LDAH: variants seen among roughly 807,000 people sequenced by gnomAD.
LDAH encodes lipid droplet-associated hydrolase.
LDAH carries 26 observed loss-of-function variants against 29.6 expected under a neutral mutation model. The observed-to-expected ratio is 0.88, with a 90% CI of 0.64 to 1.22. The LOEUF is 1.22. Among genes scored for constraint, LDAH ranks in the 50% most tolerant of loss-of-function variants. The probability of loss-of-function intolerance (pLI) is 0.00; values close to 1 mark genes in which losing one functional copy is unlikely to be tolerated. For missense variants in LDAH, 344 were observed against 387.3 expected (o/e 0.89, Z 0.94); for synonymous variants, 117 against 133.0 (o/e 0.88, Z 0.83).
At chr2:20,780,339 C>T (rs538568344) in intron 3 of LDAH, among the ~76,000 whole-genome samples, 1 of 152,148 alleles carries the variant, frequency 6.6e-6, no homozygotes, top group African/African-American at 2.4e-5. Context: ...CTAAGGACTT[C>T]AACAGTCCTT....
rs192541922 is a variant in LDAH, at chr2:20,746,112, T to G, written c.469-5907A>C. Among the ~76,000 whole-genome samples, 510 of 152,344 alleles carry G rather than the reference T, an allele frequency of 3.3e-3. 5 individuals are homozygous for G. Among genetic ancestry groups the G allele is most frequent in the Non-Finnish European group, 4.1e-3 (276 of 68,026 alleles). On this transcript the variant is annotated intron_variant, in intron 4 of 6. Coordinates refer to ENST00000237822, the MANE Select transcript of LDAH (RefSeq NM_021925.4). ...AGAAGAGAGCAGTTCAAGTGTTTAC[T>G]AAAATGTCCTCAATGATTTAAAGAA...
chr2:20,738,856 C>G (rs947670148), intron 5 of LDAH, among the ~76,000 whole-genome samples: 10 of 152,238 alleles, frequency 6.6e-5, no homozygotes, highest in Non-Finnish European at 1.5e-4. Context: ...TGAACTGCAG[C>G]TGCACAATTG....
chr2:20,784,552 C>T (rs1019989179), intron 3 of LDAH, among the ~76,000 whole-genome samples: 2 of 151,720 alleles, frequency 1.3e-5, no homozygotes, highest in East Asian at 1.9e-4. Flanking sequence ...AATGATCTAA[C>T]ATTCTCTCTT....
intron 3 of LDAH, among the ~76,000 whole-genome samples, chr2:20,778,348 T>TAA (rs1558469755): frequency 6.6e-6 from 1 of 152,192 alleles, no homozygotes; most frequent in Non-Finnish European, 1.5e-5. Context: ...TGTTCTGAAA[T>TAA]AGTTAGTAGA....
chr2:20,709,093 A>T (rs1319388616), intron 5 of LDAH, among the ~76,000 whole-genome samples: 1 of 152,182 alleles, frequency 6.6e-6, no homozygotes, highest in Non-Finnish European at 1.5e-5. Flanking sequence ...TCCAAAATTC[A>T]GCTTTTTGAG....
intron 2 of LDAH, among the ~76,000 whole-genome samples, chr2:20,799,759 A>T (rs535336850): frequency 6.6e-6 from 1 of 152,156 alleles, no homozygotes; most frequent in Non-Finnish European, 1.5e-5. Context: ...GACTTTAAAG[A>T]TCATTTAAGC....
intron 4 of LDAH, among the ~76,000 whole-genome samples, chr2:20,743,241 TA>T (rs572063718): frequency 0.018 from 2,611 of 147,002 alleles, 76 homozygotes; most frequent in African/African-American, 0.058. Flanking sequence ...CAGTTATACT[TA>T]AAAAAAAAAA....
intron 1 of LDAH, among the ~76,000 whole-genome samples, chr2:20,821,494 T>C (rs1673297360): frequency 6.6e-6 from 1 of 152,140 alleles, no homozygotes; most frequent in Non-Finnish European, 1.5e-5. Flanking sequence ...GAAACCATCA[T>C]TCTCAGCAAA....
intron 5 of LDAH, among the ~76,000 whole-genome samples, chr2:20,727,765 CA>C (rs1457325567): frequency 6.6e-6 from 1 of 152,094 alleles, no homozygotes; most frequent in African/African-American, 2.4e-5. Context: ...TACAGAGTAG[CA>C]AACATTCCAG....
intron 4 of LDAH, among the ~76,000 whole-genome samples, chr2:20,765,382 A>G (rs1184956348): frequency 6.6e-6 from 1 of 152,150 alleles, no homozygotes; most frequent in Non-Finnish European, 1.5e-5. Context: ...CCCTTGTCCC[A>G]TTATTTCACT....
In LDAH at chr2:20,785,144, C is replaced by T. The variant is rs552375174; in HGVS notation, c.298+5111G>A. 6.6e-5 allele frequency among the ~76,000 whole-genome samples: 10 copies of T among 152,280 alleles called. No homozygotes were observed. The South Asian group carries it at 1.5e-3, about 22-fold the overall frequency. ...ACTTTTTAAACCTTTATTCCTTCTC[C>T]GATGCTCTTCTTTATACAGATTTGA... is the stretch of plus-strand genomic sequence containing the variant. On this transcript the variant is annotated intron_variant, in intron 3 of 6. Transcript: ENST00000237822.
chr2:20,708,569 A>T (rs1327947195), intron 5 of LDAH, among the ~76,000 whole-genome samples: 2 of 152,254 alleles, frequency 1.3e-5, no homozygotes, highest in Admixed American at 6.5e-5. Context: ...TGCAGAAATG[A>T]CAAAGATAAT....
intron 4 of LDAH, among the ~76,000 whole-genome samples, chr2:20,761,882 A>T (rs2124958497): frequency 6.6e-6 from 1 of 152,160 alleles, no homozygotes. Context: ...GAGAGAGAAA[A>T]ATGCATGACC....
chr2:20,789,224 G>A (rs1354314056), intron 3 of LDAH: 1 of 1,550,434 alleles, frequency 6.4e-7, no homozygotes, highest in African/African-American at 1.4e-5. Flanking sequence ...ATTAAGAGGT[G>A]GAGAGGGGTC....
rs1190782287 is a variant in LDAH, at chr2:20,816,253, A to G, written c.-3+6784T>C. Among the ~76,000 whole-genome samples the G allele has an allele frequency of 4.6e-5, 7 of 152,106 alleles. No individual in the cohort carries two copies. In the East Asian group the frequency reaches 5.8e-4, roughly 13 times the overall value. The stretch of plus-strand genomic sequence containing the variant: ...AAATAAACAGAAAACAAATAATAAA[A>G]TGGCTGGCTTAAGCCCTAACACAGC... On this transcript the variant is annotated intron_variant, in intron 1 of 6. Transcript: ENST00000237822.
chr2:20,807,159 C>G (rs772294925), intron 1 of LDAH, among the ~76,000 whole-genome samples: 1 of 151,936 alleles, frequency 6.6e-6, no homozygotes, highest in Non-Finnish European at 1.5e-5. Context: ...ATAAACTTGA[C>G]ATGGGCAAAT....
chr2:20,715,747 G>A (rs1388732584), intron 5 of LDAH, among the ~76,000 whole-genome samples: 2 of 152,188 alleles, frequency 1.3e-5, no homozygotes, highest in Non-Finnish European at 2.9e-5. Context: ...CAGGCAAACA[G>A]AGAGCCAAAT....
At chr2:20,693,202 C>A (rs1663166052) in intron 6 of LDAH, among the ~76,000 whole-genome samples, 1 of 138,870 alleles carries the variant, frequency 7.2e-6, no homozygotes, top group Admixed American at 7.5e-5. Context: ...ATGGTGGGCA[C>A]TCTTAAAGGC....
intron 2 of LDAH, among the ~76,000 whole-genome samples, chr2:20,800,656 C>T (rs747870318): frequency 3.3e-5 from 5 of 151,734 alleles, no homozygotes; most frequent in East Asian, 3.9e-4. Flanking sequence ...TTTTTTGAGA[C>T]GGAGTCTCGC....
Sources: gnomAD v4.1 joint callset for allele counts (sites outside exome capture counted in the v4.1 genomes callset) on GRCh38, gnomAD v4.1.1 for gene constraint, MANE v1.5 for transcripts, NCBI Gene and HGNC (gene_info 2026-07-23, HGNC 2026-07-21) for gene names.